SMYD3: variants seen among roughly 807,000 people sequenced by gnomAD.
The protein encoded by SMYD3 is SET and MYND domain containing 3.
SMYD3 carries 36 observed loss-of-function variants against 57.7 expected under a neutral mutation model. The ratio of observed to expected loss-of-function variants is 0.62; its 90% CI spans 0.48 to 0.82. The LOEUF is 0.82. SMYD3 is among the 40% of genes least tolerant of loss of function. SMYD3 has a pLI of 0.00. For missense variants in SMYD3, 515 were observed against 538.8 expected (o/e 0.96, Z 0.44); for synonymous variants, 211 against 195.0 (o/e 1.08, Z -0.68).
intron 1 of SMYD3, among the ~76,000 whole-genome samples, chr1:246,471,958 A>C (rs1444347930): frequency 6.6e-6 from 1 of 152,156 alleles, no homozygotes; most frequent in Non-Finnish European, 1.5e-5. Flanking sequence ...CAAAAACCTA[A>C]AGTAGGTGTT....
rs550232797 is a variant in SMYD3 at position 246,270,832 on chromosome 1, A to G, written c.531+56369T>C. Among the ~76,000 whole-genome samples, 459 of 152,326 alleles carry G rather than the reference A, an allele frequency of 3.0e-3. 3 individuals are homozygous for G. The highest frequency in any genetic ancestry group is 5.2e-3 in the Non-Finnish European group (356 of 68,030). On this transcript the variant is annotated intron_variant, in intron 5 of 11. Transcript: ENST00000490107. ...GCTTTCAATTCTTTTGGGTACATACACATAAATGGAATTGCTGGATCATAC... is the reference window on the plus strand; with the variant it reads ...GCTTTCAATTCTTTTGGGTACATACGCATAAATGGAATTGCTGGATCATAC...
chr1:245,968,501 A>G (rs2058212589), intron 5 of SMYD3, among the ~76,000 whole-genome samples: 1 of 152,206 alleles, frequency 6.6e-6, no homozygotes, highest in Non-Finnish European at 1.5e-5. Flanking sequence ...TGCAGAATTC[A>G]CCTTATATTG....
At position 246,417,053 on chromosome 1, in the gene SMYD3, A is replaced by G. The variant is rs145046826; in HGVS notation, c.165-61959T>C. On this transcript the variant is annotated intron_variant, in intron 1 of 11. Transcript: ENST00000490107. ...ACCCGAGAGACTTCAACTGCATAAT[A>G]CAACAACCTCTGTTCACCCTACAGT... Among the ~76,000 whole-genome samples, 200 of 152,276 alleles carry G rather than the reference A, an allele frequency of 1.3e-3. 1 individual carries two copies. Among genetic ancestry groups the G allele is most frequent in the African/African-American group, 4.7e-3 (195 of 41,540 alleles).
chr1:246,235,804 G>A (rs921429109), intron 5 of SMYD3, among the ~76,000 whole-genome samples: 1 of 152,174 alleles, frequency 6.6e-6, no homozygotes, highest in Non-Finnish European at 1.5e-5. Context: ...TCTCTCTACA[G>A]CTGTGCTGTC....
At chr1:246,035,532 G>A (rs2148276905) in intron 5 of SMYD3, 1 of 152,334 alleles carries the variant, frequency 6.6e-6, no homozygotes, top group Admixed American at 6.5e-5. Context: ...GCAGACAGAT[G>A]TATCCGAATC....
chr1:246,342,563 A>C (rs546540252), intron 2 of SMYD3, among the ~76,000 whole-genome samples: 14 of 152,238 alleles, frequency 9.2e-5, no homozygotes, highest in Non-Finnish European at 1.9e-4. Context: ...GTATTGATTA[A>C]GATCTTGCAA....
At chr1:246,272,858 T>A (rs1228493305) in intron 5 of SMYD3, among the ~76,000 whole-genome samples, 2 of 152,188 alleles carry the variant, frequency 1.3e-5, no homozygotes, top group Admixed American at 6.5e-5. Context: ...TTGAGAAAGA[T>A]TAGTATCAGC....
chr1:246,334,628 C>T (rs937334433), intron 3 of SMYD3, among the ~76,000 whole-genome samples: 2 of 152,130 alleles, frequency 1.3e-5, no homozygotes, highest in East Asian at 1.9e-4. Flanking sequence ...CTCACTACCT[C>T]GGTGATGGGA....
intron 10 of SMYD3, among the ~76,000 whole-genome samples, chr1:245,840,405 T>C (rs1572485335): frequency 2.6e-5 from 4 of 152,288 alleles, no homozygotes; most frequent in Admixed American, 2.6e-4. Context: ...TTGAAAATTA[T>C]TTTGAATGGA....
At chr1:245,823,576 G>A (rs1307195725) in intron 10 of SMYD3, among the ~76,000 whole-genome samples, 1 of 152,178 alleles carries the variant, frequency 6.6e-6, no homozygotes, top group Non-Finnish European at 1.5e-5. Context: ...CAGCCATATG[G>A]ACAATATTCA....
chr1:246,331,890 T>A (rs2065467536), intron 3 of SMYD3, among the ~76,000 whole-genome samples: 1 of 152,240 alleles, frequency 6.6e-6, no homozygotes, highest in Non-Finnish European at 1.5e-5. Context: ...TGTAATTGTT[T>A]TGGGGTACCA....
At chr1:245,926,954 G>C (rs2056414829) in intron 7 of SMYD3, among the ~76,000 whole-genome samples, 2 of 152,226 alleles carry the variant, frequency 1.3e-5, no homozygotes. Flanking sequence ...AATTTAGCGA[G>C]TAGTTGTATA....
At chr1:246,482,244 A>G (rs925357651) in intron 1 of SMYD3, among the ~76,000 whole-genome samples, 2 of 152,176 alleles carry the variant, frequency 1.3e-5, no homozygotes, top group Non-Finnish European at 2.9e-5. Flanking sequence ...AGCCCAGGGC[A>G]TATAATCTTT....
At chr1:246,455,195 G>A (rs1042134290) in intron 1 of SMYD3, among the ~76,000 whole-genome samples, 6 of 152,144 alleles carry the variant, frequency 3.9e-5, no homozygotes, top group African/African-American at 9.7e-5. Context: ...ACTTTGTAGG[G>A]AGAGAAAAAG....
chr1:246,203,878 CT>C lies in SMYD3; in HGVS notation c.531+123322del, dbSNP rs1321035445. ...CCCACTCCTAGTCCAGATCTTCCCC[CT>C]GTCCTATCTAGCTGCTTCCCATCAC... is the stretch of plus-strand genomic sequence containing the variant. On this transcript the variant is annotated intron_variant, in intron 5 of 11. Coordinates refer to ENST00000490107, the MANE Select transcript of SMYD3 (RefSeq NM_001167740.2). The surrounding 1 kb of genome is among the most constrained non-coding windows in gnomAD (Gnocchi z 4.6). Among the ~76,000 whole-genome samples, 5 of 152,180 alleles carry C rather than the reference CT, an allele frequency of 3.3e-5. No homozygotes were observed. Among genetic ancestry groups the C allele is most frequent in the African/African-American group, 1.2e-4 (5 of 41,436 alleles).
chr1:246,302,963 T>A (rs1313369766), intron 5 of SMYD3, among the ~76,000 whole-genome samples: 1 of 152,074 alleles, frequency 6.6e-6, no homozygotes, highest in African/African-American at 2.4e-5. Context: ...ACACCACAAA[T>A]ATGTGGGTCT....
At chr1:245,795,759 C>A (rs554100511) in intron 10 of SMYD3, among the ~76,000 whole-genome samples, 18 of 152,276 alleles carry the variant, frequency 1.2e-4, no homozygotes, top group African/African-American at 3.6e-4. Context: ...CAAGACCAGA[C>A]ACATGCATGA....
At chr1:246,058,185 T>A (rs12118450) in intron 5 of SMYD3, among the ~76,000 whole-genome samples, 34,498 of 152,018 alleles carry the variant, frequency 0.23, 4,629 homozygotes, top group East Asian at 0.4. Flanking sequence ...AAACACGGAA[T>A]GTACAACACC....
At chr1:245,864,206 T>C (rs558624298) in intron 8 of SMYD3, among the ~76,000 whole-genome samples, 2 of 152,330 alleles carry the variant, frequency 1.3e-5, no homozygotes, top group South Asian at 4.1e-4. Context: ...GGGTTAAACG[T>C]AGAGTTTTCA....
Sources: allele counts gnomAD v4.1 joint callset (sites outside exome capture counted in the v4.1 genomes callset), GRCh38; gene constraint gnomAD v4.1.1; non-coding constraint Gnocchi (gnomAD v3.1); transcripts MANE v1.5; gene names NCBI Gene and HGNC (gene_info 2026-07-23, HGNC 2026-07-21).